Variants in SLC24A2 observed in about 807,000 individuals in gnomAD.
The protein encoded by SLC24A2 is solute carrier family 24 member 2.
SLC24A2 carries 36 observed loss-of-function variants against 62.0 expected under a neutral mutation model. The observed-to-expected ratio is 0.58, with a 90% CI of 0.44 to 0.77. The LOEUF (loss-of-function observed/expected upper bound fraction) is 0.77. Among genes scored for constraint, SLC24A2 ranks in the 30% least tolerant of loss-of-function variants. The pLI is 0.00. For missense variants in SLC24A2, 846 were observed against 817.9 expected (o/e 1.03, Z -0.42); for synonymous variants, 358 against 294.0 (o/e 1.22, Z -2.23).
chr9:20,128,665 A>C, the SLC24A2 span, among the ~76,000 whole-genome samples: 2 of 152,112 alleles, frequency 1.3e-5, no homozygotes, highest in African/African-American at 4.8e-5. Flanking sequence ...CTACATTTAC[A>C]GTCAACTGAT....
At chr9:19,908,596 G>A in the SLC24A2 span, among the ~76,000 whole-genome samples, 1 of 151,966 alleles carries the variant, frequency 6.6e-6, no homozygotes, top group Non-Finnish European at 1.5e-5. Flanking sequence ...TCTGACAAAG[G>A]GCTAATATCC....
rs372164169 is a variant in SLC24A2, at chr9:19,530,330, A to C, written c.1480-2192T>G. Among the ~76,000 whole-genome samples, 30 of 152,180 alleles carry C rather than the reference A, an allele frequency of 2.0e-4. No homozygotes were observed. The South Asian group carries it at 3.1e-3, about 16-fold the overall frequency. The stretch of plus-strand genomic sequence containing the variant: ...GGTCACGTGTGTGATTAGAGCCCCA[A>C]CCAATGGTTGATTCTGGGCAATGTA... On this transcript the variant is annotated intron_variant, in intron 8 of 10. Coordinates refer to ENST00000341998, the MANE Select transcript of SLC24A2 (RefSeq NM_020344.4).
intron 2 of SLC24A2, among the ~76,000 whole-genome samples, chr9:19,728,811 G>A (rs1263741087): frequency 6.6e-6 from 1 of 151,930 alleles, no homozygotes; most frequent in East Asian, 1.9e-4. Context: ...GATGAGAGAG[G>A]GCATATTCAA....
chr9:19,920,961 AATAAAG>A, the SLC24A2 span, among the ~76,000 whole-genome samples: 2 of 152,052 alleles, frequency 1.3e-5, no homozygotes, highest in African/African-American at 4.8e-5. Context: ...TCATCTATAA[AATAAAG>A]ATAATCATAT....
At chr9:19,618,577 C>G (rs1047294651) in intron 4 of SLC24A2, among the ~76,000 whole-genome samples, 4 of 152,304 alleles carry the variant, frequency 2.6e-5, no homozygotes, top group Admixed American at 2.0e-4. Context: ...TTGGGAGCCA[C>G]TCTTGGGTCA....
the SLC24A2 span, among the ~76,000 whole-genome samples, chr9:19,972,367 G>C: frequency 7.2e-5 from 11 of 152,284 alleles, no homozygotes; most frequent in African/African-American, 2.4e-4. Context: ...TAATTCCTTA[G>C]AGGTTCTGGG....
the SLC24A2 span, among the ~76,000 whole-genome samples, chr9:20,120,476 T>A: frequency 2.0e-5 from 3 of 152,148 alleles, no homozygotes; most frequent in South Asian, 4.1e-4. Flanking sequence ...TACCACTTGT[T>A]CTCATAAGTG....
intron 8 of SLC24A2, among the ~76,000 whole-genome samples, chr9:19,529,034 T>C (rs962306705): frequency 2.0e-5 from 3 of 152,196 alleles, no homozygotes; most frequent in Admixed American, 2.0e-4. Context: ...TGTAGTGGTG[T>C]TCTTTTGATG....
chr9:19,650,062 C>A (rs1283791332), intron 2 of SLC24A2, among the ~76,000 whole-genome samples: 1 of 152,122 alleles, frequency 6.6e-6, no homozygotes, highest in African/African-American at 2.4e-5. Context: ...CCTTGATCCT[C>A]ATAGGGAAAA....
At chr9:20,300,567 ATGTC>A in the SLC24A2 span, among the ~76,000 whole-genome samples, 1 of 152,132 alleles carries the variant, frequency 6.6e-6, no homozygotes, top group Non-Finnish European at 1.5e-5. Flanking sequence ...AACATCCAGA[ATGTC>A]TGTTTTTGAC....
intron 2 of SLC24A2, among the ~76,000 whole-genome samples, chr9:19,777,343 A>C (rs925466455): frequency 3.3e-5 from 5 of 152,252 alleles, no homozygotes; most frequent in African/African-American, 1.2e-4. Flanking sequence ...GAAAACATTA[A>C]AAATTATAAT....
chr9:19,670,631 T>C (rs74861375), intron 2 of SLC24A2, among the ~76,000 whole-genome samples: 1 of 152,208 alleles, frequency 6.6e-6, no homozygotes, highest in Non-Finnish European at 1.5e-5. Context: ...TCCAAGAGCA[T>C]ATAGCAAATA....
At chr9:19,985,272 T>C in the SLC24A2 span, among the ~76,000 whole-genome samples, 2 of 152,124 alleles carry the variant, frequency 1.3e-5, no homozygotes, top group Non-Finnish European at 2.9e-5. Flanking sequence ...CATATGTCCA[T>C]AAAAAGGCCT....
chr9:19,788,225 A>G (rs562425088), intron 1 of SLC24A2, among the ~76,000 whole-genome samples: 17 of 152,328 alleles, frequency 1.1e-4, no homozygotes, highest in African/African-American at 3.8e-4. Flanking sequence ...ACCCGACCCC[A>G]TCACGGAGAT....
the SLC24A2 span, among the ~76,000 whole-genome samples, chr9:19,893,464 A>T: frequency 6.6e-6 from 1 of 152,184 alleles, no homozygotes; most frequent in Non-Finnish European, 1.5e-5. Flanking sequence ...TTATTCTATT[A>T]AAGTTTTGGA....
chr9:20,280,032 G>C, the SLC24A2 span, among the ~76,000 whole-genome samples: 1 of 152,250 alleles, frequency 6.6e-6, no homozygotes, highest in Admixed American at 6.5e-5. Context: ...CTAAGCAGCA[G>C]GGTCTGGCGG....
chr9:19,974,777 G>A, the SLC24A2 span, among the ~76,000 whole-genome samples: 1 of 152,154 alleles, frequency 6.6e-6, no homozygotes, highest in Admixed American at 6.5e-5. Flanking sequence ...AGTTATTTAA[G>A]CACTAAATGA....
At chr9:19,678,203 C>T (rs996974067) in intron 2 of SLC24A2, among the ~76,000 whole-genome samples, 2 of 152,170 alleles carry the variant, frequency 1.3e-5, no homozygotes, top group African/African-American at 2.4e-5. Context: ...AACGGAAGCC[C>T]TCCATGGCTG....
In SLC24A2 at chr9:19,660,374, G is replaced by A. The variant is rs189503645; in HGVS notation, c.931-38075C>T. 5.3e-5 allele frequency among the ~76,000 whole-genome samples: 8 copies of A among 152,138 alleles called. No homozygotes were observed. In the East Asian group the frequency reaches 7.7e-4, roughly 15 times the overall value. ...CTTGTACTTTAATCCTTCTTTTAAC[G>A]GGCACCACAGGTCAGTTGTGATTCA... On this transcript the variant is annotated intron_variant, in intron 2 of 10. Transcript: ENST00000341998.
Sources: gnomAD v4.1 joint callset for allele counts (sites outside exome capture counted in the v4.1 genomes callset) on GRCh38, gnomAD v4.1.1 for gene constraint, MANE v1.5 for transcripts, NCBI Gene and HGNC (gene_info 2026-07-23, HGNC 2026-07-21) for gene names.